TSFM: variants seen among roughly 807,000 people sequenced by gnomAD.
TSFM encodes the protein elongation factor Ts, mitochondrial.
TSFM carries 29 observed loss-of-function variants against 33.4 expected under a neutral mutation model. The ratio of observed to expected loss-of-function variants is 0.87; its 90% CI spans 0.65 to 1.18. The LOEUF (loss-of-function observed/expected upper bound fraction) is 1.18, where lower values mean the gene tolerates loss of function less well. Ranked by LOEUF, TSFM falls within the 50% of genes most tolerant of loss-of-function variation. TSFM has a pLI of 0.00. For missense variants in TSFM, 394 were observed against 395.6 expected (o/e 1.00, Z 0.04); for synonymous variants, 178 against 163.5 (o/e 1.09, Z -0.68).
chr12:57,782,975 C>G lies in TSFM; in HGVS notation c.57+117C>G, dbSNP rs927033404. ...CATCTCACCTTCCCCGACAGCATTG[C>G]CTCTGCCCAGTCCAGCCCCGGTGCA... On this transcript the variant is annotated intron_variant, in intron 1 of 5. Transcript: ENST00000652027. The G allele has an allele frequency of 6.8e-6, 10 of 1,471,050 alleles. No homozygotes were observed. In the African/African-American group the frequency reaches 1.4e-4, roughly 20 times the overall value. 91.1% of individuals were successfully genotyped at this position (1,471,050 alleles called of 1,614,324 possible).
rs1342245888 is a variant in TSFM, at chr12:57,795,165, T to A, written c.572-1012T>A. Among the ~76,000 whole-genome samples the A allele has an allele frequency of 2.0e-5, 3 of 151,010 alleles. No individual in the cohort carries two copies. In the East Asian group the frequency reaches 5.8e-4, roughly 29 times the overall value. ...CCCAGGCTGGAGTGCAATGGCATGA[T>A]CTCGCTCGCTGTAACCTCTGCTGCC... On this transcript the variant is annotated intron_variant, in intron 5 of 5. Coordinates refer to ENST00000652027, the MANE Select transcript of TSFM (RefSeq NM_005726.6).
chr12:57,790,731 A>G (rs1263281339), intron 4 of TSFM, among the ~76,000 whole-genome samples: 1 of 151,066 alleles, frequency 6.6e-6, no homozygotes, highest in African/African-American at 2.4e-5. Context: ...CTTTGTAGTC[A>G]GTATTTATTT....
At chr12:57,800,281 C>T (rs1199624660), downstream of TSFM, 1 of 186,670 alleles carries the variant, frequency 5.4e-6, no homozygotes, top group African/African-American at 2.3e-5. Flanking sequence ...AGGTTGTAGT[C>T]CTACTTAAAT....
chr12:57,801,252 T>G (rs1364626015), downstream of TSFM: 2 of 1,556,502 alleles, frequency 1.3e-6, no homozygotes, highest in Non-Finnish European at 1.8e-6. Flanking sequence ...GAGGTCTTTC[T>G]TATAGGGGAG....
intron 5 of TSFM, among the ~76,000 whole-genome samples, chr12:57,793,369 C>T (rs1308319121): frequency 3.3e-5 from 5 of 152,102 alleles, no homozygotes; most frequent in Non-Finnish European, 7.4e-5. Context: ...ACTACAGGCG[C>T]CTGCCATCAC....
At chr12:57,792,523 C>T (rs950914800) in intron 4 of TSFM, among the ~76,000 whole-genome samples, 2 of 152,012 alleles carry the variant, frequency 1.3e-5, no homozygotes, top group African/African-American at 4.8e-5. Context: ...GGAACTGTTA[C>T]CAATTTTTAA....
chr12:57,797,763 C>T (rs1235853062), downstream of TSFM: 19 of 840,866 alleles, frequency 2.3e-5, no homozygotes, highest in Non-Finnish European at 3.2e-5. Context: ...TTTGCAGACT[C>T]TATTATATCT....
Position 57,791,941 on chromosome 12 carries a change from T to G in TSFM, c.484-1045T>G, listed in dbSNP as rs1481498183. 7.9e-6 allele frequency: 3 copies of G among 378,934 alleles called. No individual in the cohort carries two copies. The East Asian group carries it at 2.9e-4, about 37-fold the overall frequency. 23.5% of individuals were successfully genotyped at this position (378,934 alleles called of 1,614,324 possible). A position where few individuals can be genotyped will look rare whatever the true frequency, so the allele number is the denominator to read the frequency against. ...ATCTAGCTCTAACATTTTATGATTT[T>G]ATGAAAATATTGTTCTTGGCCAGGT... On this transcript the variant is annotated intron_variant, in intron 4 of 5. Coordinates refer to ENST00000652027, the MANE Select transcript of TSFM (RefSeq NM_005726.6).
At chr12:57,798,854 A>G (rs950935077), downstream of TSFM, among the ~76,000 whole-genome samples, 2 of 152,056 alleles carry the variant, frequency 1.3e-5, no homozygotes, top group Non-Finnish European at 2.9e-5. Flanking sequence ...TGACCTCGTG[A>G]TCCACCCACC....
intron 2 of TSFM, chr12:57,783,484 C>T (rs1955542182): frequency 1.4e-6 from 1 of 728,788 alleles, no homozygotes. Context: ...GATTAACAAA[C>T]CAGACTGTTA....
chr12:57,789,393 A>T (rs911885353), intron 4 of TSFM, among the ~76,000 whole-genome samples: 1 of 151,426 alleles, frequency 6.6e-6, no homozygotes, highest in Admixed American at 6.6e-5. Flanking sequence ...CACATTTAGG[A>T]TTTTTTTTTC....
rs1246252865 is a variant in TSFM at position 57,785,370 on chromosome 12, A to G, written c.232-793A>G. Among the ~76,000 whole-genome samples the G allele has an allele frequency of 2.6e-5, 4 of 152,246 alleles. No individual in the cohort carries two copies. In the East Asian group the frequency reaches 7.7e-4, roughly 29 times the overall value. On this transcript the variant is annotated intron_variant, in intron 2 of 5. Transcript: ENST00000652027. ...GTCCTGCTGGAAGGTCTTCAGGGGC[A>G]GTAACGGGCATGGACCTGTCATCTC...
chr12:57,793,282 C>T (rs890793987), intron 5 of TSFM, among the ~76,000 whole-genome samples: 1 of 151,982 alleles, frequency 6.6e-6, no homozygotes, highest in African/African-American at 2.4e-5. Flanking sequence ...GGCTGGAGTG[C>T]AGTGGCGCAA....
intron 5 of TSFM, among the ~76,000 whole-genome samples, chr12:57,794,399 TAAC>T (rs1401686774): frequency 6.6e-6 from 1 of 152,248 alleles, no homozygotes; most frequent in African/African-American, 2.4e-5. Flanking sequence ...TAGAAGAGAA[TAAC>T]ATCCTGAGAG....
chr12:57,791,552 A>G (rs907306375), intron 4 of TSFM, among the ~76,000 whole-genome samples: 1 of 152,238 alleles, frequency 6.6e-6, no homozygotes, highest in Admixed American at 6.5e-5. Flanking sequence ...ATAGTAGTAT[A>G]ATATGCATAT....
chr12:57,785,867 G>A lies in TSFM; in HGVS notation c.232-296G>A, dbSNP rs1398993216. ...CAGCTCCATTATAATCTTAGGGACC[G>A]TCATCATATATGCAGTCCGTCATTG... On this transcript the variant is annotated intron_variant, in intron 2 of 5. Coordinates refer to ENST00000652027, the MANE Select transcript of TSFM (RefSeq NM_005726.6). 3.3e-5 allele frequency among the ~76,000 whole-genome samples: 5 copies of A among 152,238 alleles called. No homozygotes were observed. The South Asian group carries it at 6.2e-4, about 19-fold the overall frequency.
chr12:57,787,207 A>G (rs1955603108), intron 4 of TSFM, 45 bp downstream of exon 4: 2 of 1,532,932 alleles, frequency 1.3e-6, no homozygotes, highest in Non-Finnish European at 1.8e-6. Flanking sequence ...TGCTGTCCTC[A>G]TTGGGTCTTT....
chr12:57,782,816 G>A lies in TSFM; in HGVS notation c.15G>A (p.Arg5=), dbSNP rs1411022509. ...CGGCTAGAGAGATGTCGCTGCTGCG[G>A]TCGCTGCGCGTGTTTCTGGTCGCGC... MSLL[R]SLRVFLVART... is the part of the protein sequence containing the mutation. Residue 5 remains arginine (R), a synonymous_variant, in exon 1 of 6, where the codon CGG becomes CGA. Coordinates refer to ENST00000652027, the MANE Select transcript of TSFM (RefSeq NM_005726.6). 1 of 1,593,542 alleles carries A rather than the reference G, an allele frequency of 6.3e-7. No individual in the cohort carries two copies. The highest frequency in any genetic ancestry group is 1.1e-5 in the South Asian group (1 of 87,748).
downstream of TSFM, chr12:57,797,850 G>C (rs1955766692): frequency 6.7e-7 from 1 of 1,488,346 alleles, no homozygotes; most frequent in East Asian, 2.3e-5. Context: ...GCTCTTTTCT[G>C]TGGCCTTGCA....
Sources: gnomAD v4.1 joint callset for allele counts (sites outside exome capture counted in the v4.1 genomes callset) on GRCh38, gnomAD v4.1.1 for gene constraint, MANE v1.5 for transcripts, NCBI Gene and HGNC (gene_info 2026-07-23, HGNC 2026-07-21) for gene names.